PTPRD: variants seen among roughly 807,000 people sequenced by gnomAD.
PTPRD encodes the protein protein tyrosine phosphatase receptor type D, also known as receptor-type tyrosine-protein phosphatase delta.
A neutral mutation model predicts 214.5 loss-of-function variants in PTPRD; 34 were observed. That is an observed-to-expected ratio of 0.16 (90% confidence interval 0.12 to 0.21). The LOEUF (loss-of-function observed/expected upper bound fraction) is 0.21, where lower values mean the gene tolerates loss of function less well. PTPRD is among the 10% of genes least tolerant of loss of function. The pLI is 1.00. For synonymous variants in PTPRD, 1,128 were observed against 845.7 expected (o/e 1.33, Z -5.79); for missense variants, 2,545 against 2,398.7 (o/e 1.06, Z -1.27).
chr9:10,278,039 A>G (rs1395029191), intron 3 of PTPRD, among the ~76,000 whole-genome samples: 2 of 152,078 alleles, frequency 1.3e-5, no homozygotes, highest in South Asian at 2.1e-4. Flanking sequence ...GGACGCCTGT[A>G]GTCCCAGCTA....
In PTPRD at chr9:10,054,365, T is replaced by C. The variant is rs2097584135; in HGVS notation, c.-544-20575A>G. Among the ~76,000 whole-genome samples, 6 of 152,286 alleles carry C rather than the reference T, an allele frequency of 3.9e-5. No individual in the cohort carries two copies. The South Asian group carries it at 1.2e-3, about 32-fold the overall frequency. On this transcript the variant is annotated intron_variant, in intron 3 of 45. Transcript: ENST00000381196. ...ACATAATCTATAAAATTTGCAAGAT[T>C]TGTTTTTAAAGATGGGATTGCTAGG...
chr9:8,584,007 C>A (rs2093418842), intron 14 of PTPRD, among the ~76,000 whole-genome samples: 1 of 151,922 alleles, frequency 6.6e-6, no homozygotes, highest in Non-Finnish European at 1.5e-5. Context: ...TACAAATTAG[C>A]CATCGGTGTG....
intron 7 of PTPRD, among the ~76,000 whole-genome samples, chr9:9,590,260 A>G (rs1280746736): frequency 1.3e-5 from 2 of 151,896 alleles, no homozygotes; most frequent in South Asian, 2.1e-4. Flanking sequence ...TTTCTGTATT[A>G]TGACAGAATG....
intron 13 of PTPRD, among the ~76,000 whole-genome samples, chr9:8,636,305 C>T (rs2096431453): frequency 6.6e-6 from 1 of 152,134 alleles, no homozygotes; most frequent in South Asian, 2.1e-4. Flanking sequence ...ACACTGTCCA[C>T]CTATCCACAC....
At chr9:9,740,136 A>G (rs1360359618) in intron 6 of PTPRD, among the ~76,000 whole-genome samples, 1 of 152,188 alleles carries the variant, frequency 6.6e-6, no homozygotes, top group Non-Finnish European at 1.5e-5. Context: ...AATTATATAC[A>G]TAAATTACCT....
At chr9:10,096,774 T>C (rs2098491826) in intron 3 of PTPRD, among the ~76,000 whole-genome samples, 1 of 152,058 alleles carries the variant, frequency 6.6e-6, no homozygotes, top group Admixed American at 6.6e-5. Flanking sequence ...TTGGCTTTTG[T>C]TGCCATTGCT....
At chr9:9,683,465 A>C (rs7036531) in intron 7 of PTPRD, among the ~76,000 whole-genome samples, 56,969 of 151,478 alleles carry the variant, frequency 0.38, 11,040 homozygotes, top group Admixed American at 0.51. Context: ...AAAAATAAAC[A>C]TCAAAAATCA....
At chr9:10,519,280 A>AAAAAAC (rs1157685716) in intron 2 of PTPRD, among the ~76,000 whole-genome samples, 4 of 147,202 alleles carry the variant, frequency 2.7e-5, no homozygotes, top group East Asian at 2.0e-4. Context: ...AAAAAAAAAA[A>AAAAAAC]AAGCAACCTC....
chr9:9,086,268 C>A (rs541280537), intron 10 of PTPRD, among the ~76,000 whole-genome samples: 1 of 152,142 alleles, frequency 6.6e-6, no homozygotes, highest in South Asian at 2.1e-4. Flanking sequence ...GACTAATTCA[C>A]TGAGAGTGAG....
intron 9 of PTPRD, among the ~76,000 whole-genome samples, chr9:9,379,598 T>A (rs935288540): frequency 6.6e-6 from 1 of 152,076 alleles, no homozygotes; most frequent in Admixed American, 6.6e-5. Context: ...TTGATTGGGA[T>A]TGCATTGAAT....
intron 14 of PTPRD, among the ~76,000 whole-genome samples, chr9:8,543,526 CA>C (rs1431717568): frequency 6.6e-6 from 1 of 152,074 alleles, no homozygotes; most frequent in African/African-American, 2.4e-5. Flanking sequence ...CTAATATAAC[CA>C]ATGCTATTTA....
chr9:10,205,366 T>A (rs1435979290), intron 3 of PTPRD, among the ~76,000 whole-genome samples: 1 of 147,790 alleles, frequency 6.8e-6, no homozygotes, highest in African/African-American at 2.5e-5. Flanking sequence ...TTCTTCTTCT[T>A]CTTTATTTTA....
intron 8 of PTPRD, among the ~76,000 whole-genome samples, chr9:9,407,386 T>A (rs1428902529): frequency 6.6e-6 from 1 of 151,766 alleles, no homozygotes; most frequent in African/African-American, 2.4e-5. Flanking sequence ...AAATAATGGT[T>A]CTATAAACAT....
chr9:10,444,292 C>A (rs2154524303), intron 2 of PTPRD, among the ~76,000 whole-genome samples: 1 of 151,804 alleles, frequency 6.6e-6, no homozygotes, highest in East Asian at 1.9e-4. Context: ...TAGACAATAT[C>A]TAAATTTTAA....
intron 10 of PTPRD, among the ~76,000 whole-genome samples, chr9:9,030,092 GA>G (rs1353262553): frequency 4.6e-5 from 7 of 151,750 alleles, no homozygotes; most frequent in East Asian, 1.9e-4. Flanking sequence ...GCCTAAGGAA[GA>G]AAAAATGCCA....
At chr9:9,254,774 T>TGC (rs1047950086) in intron 9 of PTPRD, among the ~76,000 whole-genome samples, 22 of 152,166 alleles carry the variant, frequency 1.4e-4, no homozygotes, top group African/African-American at 5.3e-4. Flanking sequence ...TTTAAAACCC[T>TGC]GCGCCCTCAT....
intron 35 of PTPRD, among the ~76,000 whole-genome samples, chr9:8,424,260 T>C (rs1359115): frequency 0.14 from 21,468 of 152,116 alleles, 1,546 homozygotes; most frequent in African/African-American, 0.16. Context: ...AAATTTTCCA[T>C]GGTGAAAACT....
At chr9:9,339,531 C>A (rs997163357) in intron 9 of PTPRD, among the ~76,000 whole-genome samples, 1 of 152,146 alleles carries the variant, frequency 6.6e-6, no homozygotes, top group Admixed American at 6.5e-5. Flanking sequence ...TGGGTCTGAT[C>A]TATTTCTATA....
At chr9:8,550,728 G>A (rs1200763645) in intron 14 of PTPRD, among the ~76,000 whole-genome samples, 3 of 152,184 alleles carry the variant, frequency 2.0e-5, no homozygotes, top group Non-Finnish European at 4.4e-5. Context: ...TCAGCCCTAA[G>A]ATTTCTTAAT....
Sources: allele counts gnomAD v4.1 joint callset (sites outside exome capture counted in the v4.1 genomes callset), GRCh38; gene constraint gnomAD v4.1.1; transcripts MANE v1.5; gene names NCBI Gene and HGNC (gene_info 2026-07-23, HGNC 2026-07-21).